CUX2: variants seen among roughly 807,000 people sequenced by gnomAD.
CUX2 encodes cut like homeobox 2.
A neutral mutation model predicts 144.8 loss-of-function variants in CUX2; 40 were observed. The observed-to-expected ratio is 0.28, with a 90% CI of 0.21 to 0.36. CUX2 has a LOEUF of 0.36. Ranked by LOEUF, CUX2 falls within the 10% of genes least tolerant of loss-of-function variation. The pLI, the probability that CUX2 is intolerant of heterozygous loss-of-function variation, is 1.00. For synonymous variants in CUX2, 827 were observed against 875.6 expected (o/e 0.94, Z 0.98); for missense variants, 1,615 against 1,994.0 (o/e 0.81, Z 3.62).
chr12:111,043,039 C>T (rs137966327), intron 1 of CUX2, among the ~76,000 whole-genome samples: 75 of 152,162 alleles, frequency 4.9e-4, no homozygotes, highest in African/African-American at 1.7e-3. Context: ...TGCTGTTATC[C>T]TTCACTCCAG....
rs115082048 is a variant in CUX2 at position 111,108,868 on chromosome 12, C to G, written c.63+74628C>G. On this transcript the variant is annotated intron_variant, in intron 1 of 21. Transcript: ENST00000261726. Reference sequence around the variant, plus strand: ...TGCATCTTCATGGTGTCATTTAATGCTCTCCTCCATCCCCTGGGTCTCCTG... The same window carrying G: ...TGCATCTTCATGGTGTCATTTAATGGTCTCCTCCATCCCCTGGGTCTCCTG... 6.1e-3 allele frequency among the ~76,000 whole-genome samples: 933 copies of G among 152,290 alleles called. 11 individuals carry two copies. The highest frequency in any genetic ancestry group is 0.021 in the African/African-American group (884 of 41,550).
intron 9 of CUX2, 23 bp downstream of exon 9, chr12:111,298,612 CGTGGGTGCCAGAGGCTCCCTCT>C (rs1321092103): frequency 1.7e-5 from 26 of 1,556,812 alleles, no homozygotes; most frequent in Non-Finnish European, 2.2e-5. Flanking sequence ...AGTTCCCACC[CGTGGGTGCCAGAGGCTCCCTCT>C]GCCTGGGGTG....
chr12:111,304,179 C>G lies in CUX2; in HGVS notation c.754-31C>G. On this transcript the variant is annotated intron_variant, in intron 9 of 21. Coordinates refer to ENST00000261726, the MANE Select transcript of CUX2 (RefSeq NM_015267.4). The surrounding 1 kb of genome is among the most constrained non-coding windows in gnomAD (Gnocchi z 4.7). ...AAGGTGGAAGTGCAGAGTGGGCTCA[C>G]CTCTCGCCCACACTGTCCCCTTCTC... The G allele has an allele frequency of 6.4e-7, 1 of 1,558,642 alleles. No homozygotes were observed. Among genetic ancestry groups the G allele is most frequent in the Non-Finnish European group, 8.8e-7 (1 of 1,136,358 alleles).
chr12:111,308,260 A>G (rs1443158834), intron 12 of CUX2, 25 bp from the exon 13 acceptor site: 5 of 1,613,850 alleles, frequency 3.1e-6, no homozygotes, highest in Non-Finnish European at 4.2e-6. Context: ...GGCTGACCTC[A>G]GACCCTCTCC....
At chr12:111,202,582 A>G (rs527316500) in intron 1 of CUX2, among the ~76,000 whole-genome samples, 98 of 152,296 alleles carry the variant, frequency 6.4e-4, no homozygotes, top group Non-Finnish European at 1.3e-3. Context: ...TTGTTCATTC[A>G]TTAATTCAAA....
In CUX2 at chr12:111,039,263, A is replaced by G. The variant is rs565620199; in HGVS notation, c.63+5023A>G. ...GCCTTTGTTCCTGGCCTTGGGATTC[A>G]GGGTCCCATCTTCTGTTTGATATTT... On this transcript the variant is annotated intron_variant, in intron 1 of 21. Transcript: ENST00000261726. The surrounding 1 kb of genome is among the most constrained non-coding windows in gnomAD (Gnocchi z 4.2). Among the ~76,000 whole-genome samples the G allele has an allele frequency of 2.0e-4, 30 of 152,080 alleles. No individual in the cohort carries two copies. Among genetic ancestry groups the G allele is most frequent in the Non-Finnish European group, 3.2e-4 (22 of 68,018 alleles).
intron 1 of CUX2, among the ~76,000 whole-genome samples, chr12:111,161,376 A>G (rs76422197): frequency 0.027 from 3,967 of 149,000 alleles, 187 homozygotes; most frequent in African/African-American, 0.097. Context: ...ACCTCCCTGG[A>G]GGCTGGGACC....
chr12:111,310,304 C>T lies in CUX2; in HGVS notation c.1522C>T (p.Pro508Ser), dbSNP rs1299343683. The T allele has an allele frequency of 6.7e-7, 1 of 1,495,242 alleles. No individual in the cohort carries two copies. The highest frequency in any genetic ancestry group is 1.3e-5 in the South Asian group (1 of 74,100). 92.6% of individuals were successfully genotyped at this position (1,495,242 alleles called of 1,614,324 possible). A position where few individuals can be genotyped will look rare whatever the true frequency, so the allele number is the denominator to read the frequency against. Residue 508 changes from proline to serine, a missense_variant, in exon 15 of 22, where the codon CCC becomes TCC. Around this residue, in one of 12 missense-constraint regions of CUX2, gnomAD observed 154 missense variants for 148.4 expected, o/e 1.04. Transcript: ENST00000261726. The surrounding 1 kb of genome is among the most constrained non-coding windows in gnomAD (Gnocchi z 7.9). ...KGEAGGLLVF[P>S]PAFYGAKPPT... is the part of the protein sequence containing the mutation. ...AGAGGCGGGCGGCCTGCTGGTGTTCCCCCCAGCCTTCTATGGCGCCAAGCC... is the reference window on the plus strand; with the variant it reads ...AGAGGCGGGCGGCCTGCTGGTGTTCTCCCCAGCCTTCTATGGCGCCAAGCC...
intron 3 of CUX2, among the ~76,000 whole-genome samples, chr12:111,229,870 G>A (rs1173735142): frequency 2.6e-5 from 4 of 151,924 alleles, no homozygotes; most frequent in South Asian, 2.1e-4. Context: ...AAAAGTTAGC[G>A]AAGCGTGGTG....
chr12:111,050,855 A>G (rs1870229607), intron 1 of CUX2, among the ~76,000 whole-genome samples: 1 of 152,236 alleles, frequency 6.6e-6, no homozygotes. Context: ...AGGAAGAAGA[A>G]TTTCTAGGGG....
chr12:111,176,039 C>CTTTTTTTTTT (rs1172563784), intron 1 of CUX2, among the ~76,000 whole-genome samples: 6 of 70,196 alleles, frequency 8.5e-5, no homozygotes, highest in South Asian at 5.1e-4. Flanking sequence ...TCTTCTTCTT[C>CTTTTTTTTTT]TTTTTTTTTT....
At chr12:111,205,490 A>G (rs1362251745) in intron 1 of CUX2, among the ~76,000 whole-genome samples, 2 of 152,172 alleles carry the variant, frequency 1.3e-5, no homozygotes, top group African/African-American at 2.4e-5. Context: ...TTGAATGCCC[A>G]CTGTGCACCA....
intron 10 of CUX2, among the ~76,000 whole-genome samples, chr12:111,305,007 G>T (rs575665649): frequency 1.3e-5 from 2 of 152,334 alleles, no homozygotes; most frequent in Admixed American, 6.5e-5. Context: ...CCAGTCTTCG[G>T]TGATCAACCC....
intron 16 of CUX2, among the ~76,000 whole-genome samples, chr12:111,317,868 C>T (rs899676653): frequency 2.0e-5 from 3 of 151,922 alleles, no homozygotes; most frequent in Non-Finnish European, 4.4e-5. Context: ...GGCCTGGTGG[C>T]GAGTGCCTGT....
Position 111,057,423 on chromosome 12 carries a change from A to G in CUX2, c.63+23183A>G, listed in dbSNP as rs990906285. Among the ~76,000 whole-genome samples the G allele has an allele frequency of 6.6e-6, 1 of 152,126 alleles. No individual in the cohort carries two copies. Among genetic ancestry groups the G allele is most frequent in the Non-Finnish European group, 1.5e-5 (1 of 68,016 alleles). On this transcript the variant is annotated intron_variant, in intron 1 of 21. Coordinates refer to ENST00000261726, the MANE Select transcript of CUX2 (RefSeq NM_015267.4). The surrounding 1 kb of genome is among the most constrained non-coding windows in gnomAD (Gnocchi z 5.1). ...CACTGGAGATCTGGCTTTGTCTGCC[A>G]TGATGGAAGTGGGCCTGCCAGTGAC...
At chr12:111,124,131 C>T (rs1041113305) in intron 1 of CUX2, among the ~76,000 whole-genome samples, 1 of 152,214 alleles carries the variant, frequency 6.6e-6, no homozygotes, top group African/African-American at 2.4e-5. Context: ...CCGCATACCC[C>T]TGAGCAGTGT....
chr12:111,146,759 C>T (rs971992140), intron 1 of CUX2, among the ~76,000 whole-genome samples: 2 of 152,092 alleles, frequency 1.3e-5, no homozygotes, highest in East Asian at 1.9e-4. Context: ...TCTCAGCTTC[C>T]CCACTAATAA....
intron 16 of CUX2, 77 bp from the exon 17 acceptor site, chr12:111,319,934 AG>A: frequency 7.1e-7 from 1 of 1,402,596 alleles, no homozygotes; most frequent in Non-Finnish European, 9.2e-7. Flanking sequence ...TGGCATCAAC[AG>A]GGATGCTGTG....
chr12:111,227,702 T>C (rs949534567), intron 3 of CUX2, among the ~76,000 whole-genome samples: 7 of 152,232 alleles, frequency 4.6e-5, no homozygotes, highest in African/African-American at 1.7e-4. Context: ...CAGGGAGTGA[T>C]GGAGGCTCCC....
Sources: allele counts gnomAD v4.1 joint callset (sites outside exome capture counted in the v4.1 genomes callset), GRCh38; gene constraint gnomAD v4.1.1; regional missense constraint gnomAD v4.1.1; non-coding constraint Gnocchi (gnomAD v3.1); transcripts MANE v1.5; gene names NCBI Gene and HGNC (gene_info 2026-07-23, HGNC 2026-07-21).